Variants in RSRC1 observed in about 807,000 individuals in gnomAD.
The protein encoded by RSRC1 is arginine and serine rich coiled-coil 1, also known as serine/Arginine-related protein 53.
Under a neutral mutation model 49.1 loss-of-function variants are expected in RSRC1, and 39 were observed. That is an observed-to-expected ratio of 0.79 (90% CI 0.61 to 1.04). The LOEUF (loss-of-function observed/expected upper bound fraction) is 1.04, where lower values mean the gene tolerates loss of function less well. Among genes scored for constraint, RSRC1 ranks in the 50% least tolerant of loss-of-function variants. The probability of loss-of-function intolerance (pLI) is 0.00; values close to 1 mark genes in which losing one functional copy is unlikely to be tolerated. For synonymous variants in RSRC1, 143 were observed against 130.8 expected (o/e 1.09, Z -0.63); for missense variants, 388 against 402.4 (o/e 0.96, Z 0.31).
At chr3:158,129,602 A>G (rs574169987) in intron 3 of RSRC1, among the ~76,000 whole-genome samples, 13 of 152,062 alleles carry the variant, frequency 8.5e-5, no homozygotes, top group South Asian at 4.2e-4. Context: ...GTCTAGCCCT[A>G]TTTTCTTACT....
At chr3:158,218,234 T>C (rs1427857008) in intron 4 of RSRC1, among the ~76,000 whole-genome samples, 1 of 151,600 alleles carries the variant, frequency 6.6e-6, no homozygotes, top group Non-Finnish European at 1.5e-5. Context: ...TTTGAAAAGA[T>C]CACTCCAGCT....
chr3:158,245,405 T>G (rs1025192407), intron 4 of RSRC1, among the ~76,000 whole-genome samples: 1 of 152,188 alleles, frequency 6.6e-6, no homozygotes, highest in Admixed American at 6.5e-5. Context: ...ATTTCAGTTA[T>G]TTTGCGTTTG....
intron 8 of RSRC1, 57 bp downstream of exon 8, chr3:158,537,255 T>C (rs557060373): frequency 2.0e-6 from 2 of 996,542 alleles, no homozygotes; most frequent in African/African-American, 1.7e-5. Flanking sequence ...GAAGAGATGC[T>C]TTATTAATGG....
chr3:158,112,537 GCTTT>G (rs1714483194), intron 1 of RSRC1, among the ~76,000 whole-genome samples: 1 of 152,062 alleles, frequency 6.6e-6, no homozygotes, highest in Admixed American at 6.5e-5. Context: ...GTGACCTTTT[GCTTT>G]CTTTTATTGG....
chr3:158,517,846 C>G (rs972636011), intron 7 of RSRC1, among the ~76,000 whole-genome samples: 3 of 140,300 alleles, frequency 2.1e-5, no homozygotes, highest in African/African-American at 8.0e-5. Context: ...TCAGGCAGTC[C>G]TCCTGCCTCT....
intron 6 of RSRC1, among the ~76,000 whole-genome samples, chr3:158,448,103 A>G (rs1382403057): frequency 6.6e-6 from 1 of 151,900 alleles, no homozygotes; most frequent in Non-Finnish European, 1.5e-5. Context: ...CTGTCTTGGA[A>G]TGGGAGTTAT....
intron 9 of RSRC1, 140 bp downstream of exon 9, chr3:158,543,627 G>T: frequency 1.2e-6 from 1 of 801,670 alleles, no homozygotes; most frequent in Non-Finnish European, 1.9e-6. Flanking sequence ...TAGGCATCTG[G>T]CCCCCAGGCC....
chr3:158,396,940 A>G (rs1733642169), intron 6 of RSRC1, among the ~76,000 whole-genome samples: 1 of 152,170 alleles, frequency 6.6e-6, no homozygotes, highest in Non-Finnish European at 1.5e-5. Flanking sequence ...CCCATTTTAC[A>G]TATGAGAAAA....
At chr3:158,405,249 A>G (rs1239832511) in intron 6 of RSRC1, among the ~76,000 whole-genome samples, 1 of 152,022 alleles carries the variant, frequency 6.6e-6, no homozygotes, top group Admixed American at 6.6e-5. Flanking sequence ...ATGTTTTGTC[A>G]TTCAACAAAA....
intron 3 of RSRC1, among the ~76,000 whole-genome samples, chr3:158,151,515 G>A (rs1717535151): frequency 1.3e-5 from 2 of 152,134 alleles, no homozygotes; most frequent in Admixed American, 1.3e-4. Flanking sequence ...GGAGAACAGA[G>A]GCTGCCTTTC....
At chr3:158,331,430 G>A (rs1193638871) in intron 5 of RSRC1, among the ~76,000 whole-genome samples, 1 of 151,994 alleles carries the variant, frequency 6.6e-6, no homozygotes, top group African/African-American at 2.4e-5. Context: ...GGTTAAATTT[G>A]TTTCTAATAA....
At chr3:158,388,155 A>AAT (rs548143131) in intron 6 of RSRC1, among the ~76,000 whole-genome samples, 292 of 151,630 alleles carry the variant, frequency 1.9e-3, no homozygotes, top group African/African-American at 5.9e-3. Flanking sequence ...TATTCATTTG[A>AAT]ATATATATAT....
At chr3:158,150,224 C>A (rs1453734404) in intron 3 of RSRC1, among the ~76,000 whole-genome samples, 1 of 152,184 alleles carries the variant, frequency 6.6e-6, no homozygotes, top group African/African-American at 2.4e-5. Context: ...TTAATTGAAT[C>A]ATAACTGTTA....
At chr3:158,211,794 A>G (rs1160810097) in intron 4 of RSRC1, among the ~76,000 whole-genome samples, 1 of 146,624 alleles carries the variant, frequency 6.8e-6, no homozygotes, top group African/African-American at 2.5e-5. Flanking sequence ...GAAGACTAGT[A>G]CTATGTAGTA....
chr3:158,228,625 A>G (rs1474762814), intron 4 of RSRC1, among the ~76,000 whole-genome samples: 1 of 151,996 alleles, frequency 6.6e-6, no homozygotes, highest in Non-Finnish European at 1.5e-5. Flanking sequence ...TCAAACTATC[A>G]TTAGATGAAA....
At chr3:158,511,777 A>G (rs1740194926) in intron 7 of RSRC1, among the ~76,000 whole-genome samples, 1 of 151,946 alleles carries the variant, frequency 6.6e-6, no homozygotes. Flanking sequence ...CATCCTCTCC[A>G]GCACCTGTTG....
At chr3:158,370,747 G>A (rs753371686) in intron 6 of RSRC1, among the ~76,000 whole-genome samples, 7 of 151,770 alleles carry the variant, frequency 4.6e-5, no homozygotes, top group East Asian at 1.9e-4. Context: ...ACATGTTTTC[G>A]TTTATTTTGA....
At chr3:158,446,304 G>A (rs1203375006) in intron 6 of RSRC1, among the ~76,000 whole-genome samples, 11 of 151,358 alleles carry the variant, frequency 7.3e-5, no homozygotes, top group African/African-American at 2.4e-4. Flanking sequence ...TTTAAACTCT[G>A]CCATATAGAA....
At chr3:158,314,404 CTT>C (rs11382163) in intron 5 of RSRC1, among the ~76,000 whole-genome samples, 13 of 145,618 alleles carry the variant, frequency 8.9e-5, no homozygotes, top group Non-Finnish European at 1.2e-4. Flanking sequence ...AAAAAAAATT[CTT>C]TTTTTTTTTT....
Sources: allele counts gnomAD v4.1 joint callset (sites outside exome capture counted in the v4.1 genomes callset), GRCh38; gene constraint gnomAD v4.1.1; transcripts MANE v1.5; gene names NCBI Gene and HGNC (gene_info 2026-07-23, HGNC 2026-07-21).